The following RALGPS1 variants were observed in gnomAD, a reference collection of about 807,000 sequenced individuals.
The protein encoded by RALGPS1 is Ral GEF with PH domain and SH3 binding motif 1, also known as ras-specific guanine nucleotide-releasing factor RalGPS1.
A neutral mutation model predicts 78.8 loss-of-function variants in RALGPS1; 19 were observed. The observed-to-expected ratio is 0.24, with a 90% CI of 0.17 to 0.35. The LOEUF (loss-of-function observed/expected upper bound fraction) is 0.35, where lower values mean the gene tolerates loss of function less well. RALGPS1 is among the 10% of genes least tolerant of loss of function. The pLI is 1.00. For missense variants in RALGPS1, 454 were observed against 688.3 expected, an observed-to-expected ratio of 0.66 and a Z score of 3.81; for synonymous variants, 228 against 256.3, an observed-to-expected ratio of 0.89 and a Z score of 1.06.
intron 11 of RALGPS1, among the ~76,000 whole-genome samples, chr9:127,186,070 A>G (rs1289896755): frequency 1.5e-4 from 23 of 152,136 alleles, no homozygotes; most frequent in Non-Finnish European, 1.0e-4. Context: ...TGTCCACTCC[A>G]AGGCTGTTGT....
At chr9:126,985,917 G>A (rs1441044387) in intron 4 of RALGPS1, among the ~76,000 whole-genome samples, 1 of 152,254 alleles carries the variant, frequency 6.6e-6, no homozygotes, top group African/African-American at 2.4e-5. Context: ...AAGCGCCATA[G>A]CAGAACATTA....
intron 4 of RALGPS1, among the ~76,000 whole-genome samples, chr9:126,995,587 C>CT (rs1346950596): frequency 6.6e-6 from 1 of 152,142 alleles, no homozygotes. Flanking sequence ...TAATGGGAGA[C>CT]TTTAACACCC....
intron 8 of RALGPS1, among the ~76,000 whole-genome samples, chr9:127,084,252 G>A (rs367644551): frequency 1.3e-5 from 2 of 152,172 alleles, no homozygotes; most frequent in East Asian, 3.9e-4. Flanking sequence ...GCTGGATCCC[G>A]GCCAGTCCCA....
intron 1 of RALGPS1, among the ~76,000 whole-genome samples, chr9:126,923,506 T>A (rs932991871): frequency 5.9e-5 from 9 of 152,242 alleles, no homozygotes; most frequent in African/African-American, 2.2e-4. Flanking sequence ...AGTTTCCAGA[T>A]AATTGAATTT....
intron 11 of RALGPS1, among the ~76,000 whole-genome samples, chr9:127,191,504 G>A (rs563513364): frequency 6.6e-6 from 1 of 152,194 alleles, no homozygotes; most frequent in African/African-American, 2.4e-5. Context: ...AGCATGTCGG[G>A]CTCTCACTTT....
chr9:126,962,577 G>A (rs1425580439), intron 2 of RALGPS1, among the ~76,000 whole-genome samples: 4 of 152,256 alleles, frequency 2.6e-5, no homozygotes, highest in Admixed American at 6.5e-5. Flanking sequence ...TACCTGCCCA[G>A]TCCAGCTGTA....
intron 7 of RALGPS1, among the ~76,000 whole-genome samples, chr9:127,063,932 C>A (rs1218655598): frequency 6.6e-6 from 1 of 152,138 alleles, no homozygotes; most frequent in Admixed American, 6.5e-5. Flanking sequence ...TTTTATGCAG[C>A]AAATATTTTG....
At chr9:127,204,252 G>T (rs577279773) in intron 14 of RALGPS1, among the ~76,000 whole-genome samples, 2 of 152,226 alleles carry the variant, frequency 1.3e-5, no homozygotes, top group South Asian at 4.2e-4. Context: ...CTGCAGCCTT[G>T]ATCTCCCAGG....
At chr9:127,141,616 CAAAAAAAAAAAA>C (rs61291398) in intron 8 of RALGPS1, among the ~76,000 whole-genome samples, 9 of 68,672 alleles carry the variant, frequency 1.3e-4, no homozygotes, top group East Asian at 4.7e-4. Flanking sequence ...TTTTTAATGG[CAAAAAAAAAAAA>C]AAAAAAAAAA....
chr9:127,178,060 G>A, intron 11 of RALGPS1: 2 of 1,441,876 alleles, frequency 1.4e-6, no homozygotes, highest in South Asian at 1.2e-5. Context: ...GGGGAGGGTG[G>A]AGCCCTAGGC....
At chr9:127,153,602 G>A (rs967086878) in intron 8 of RALGPS1, among the ~76,000 whole-genome samples, 35 of 152,056 alleles carry the variant, frequency 2.3e-4, no homozygotes, top group African/African-American at 7.3e-4. Flanking sequence ...CACTGAGTGA[G>A]CTGGTTCCTA....
chr9:127,142,156 A>G (rs2057824018), intron 8 of RALGPS1, among the ~76,000 whole-genome samples: 2 of 152,370 alleles, frequency 1.3e-5, no homozygotes. Flanking sequence ...TCTGAGCCCT[A>G]GATGCCTCGT....
At chr9:127,178,955 G>A (rs959810079) in intron 11 of RALGPS1, among the ~76,000 whole-genome samples, 1 of 152,208 alleles carries the variant, frequency 6.6e-6, no homozygotes, top group Non-Finnish European at 1.5e-5. Context: ...GCTCCTTGAG[G>A]AAGGGCCCAG....
At chr9:127,174,600 G>C in intron 10 of RALGPS1, 115 bp from the exon 11 acceptor site, 1 of 876,022 alleles carries the variant, frequency 1.1e-6, no homozygotes, top group Non-Finnish European at 1.9e-6. Flanking sequence ...GTGATCTGGA[G>C]CAGATCTCAC....
intron 4 of RALGPS1, among the ~76,000 whole-genome samples, chr9:127,025,180 T>C (rs2045859553): frequency 6.6e-6 from 1 of 152,246 alleles, no homozygotes; most frequent in Non-Finnish European, 1.5e-5. Context: ...TTTCACTTAG[T>C]ATAAAACTGT....
At chr9:127,013,773 A>G (rs1050462208) in intron 4 of RALGPS1, among the ~76,000 whole-genome samples, 1 of 150,830 alleles carries the variant, frequency 6.6e-6, no homozygotes, top group African/African-American at 2.4e-5. Flanking sequence ...TTTCCTTCCA[A>G]CCCTCTTCTG....
intron 8 of RALGPS1, among the ~76,000 whole-genome samples, chr9:127,123,940 G>T (rs975417869): frequency 6.6e-6 from 1 of 152,154 alleles, no homozygotes; most frequent in African/African-American, 2.4e-5. Context: ...TTTTAAAAAG[G>T]TGTTAGTGAT....
chr9:127,112,002 G>C (rs1189557706), intron 8 of RALGPS1, among the ~76,000 whole-genome samples: 1 of 152,188 alleles, frequency 6.6e-6, no homozygotes, highest in Non-Finnish European at 1.5e-5. Flanking sequence ...ACCCCTTTGG[G>C]GGCTTCTCCA....
In RALGPS1 at chr9:127,196,465, A is replaced by G. The variant is rs375980366; in HGVS notation, c.1038-9A>G. ...AGCTTTGCCTTCTTTCTTCCTTTCC[A>G]TTTTCCAGTATGATGTGTCAGTTGA... On this transcript the variant is annotated splice_polypyrimidine_tract_variant and intron_variant, in intron 12 of 18. Transcript: ENST00000259351. 6.2e-7 allele frequency: 1 copy of G among 1,606,868 alleles called. No individual in the cohort carries two copies. The highest frequency in any genetic ancestry group is 1.1e-5 in the South Asian group (1 of 90,278).
Sources: gnomAD v4.1 joint callset for allele counts (sites outside exome capture counted in the v4.1 genomes callset) on GRCh38, gnomAD v4.1.1 for gene constraint, MANE v1.5 for transcripts, NCBI Gene and HGNC (gene_info 2026-07-23, HGNC 2026-07-21) for gene names.